GTF2H1: variants seen among roughly 807,000 people sequenced by gnomAD.
GTF2H1 encodes the protein BTF2 p62.
Under a neutral mutation model 71.2 loss-of-function variants are expected in GTF2H1, and 16 were observed. The observed-to-expected ratio is 0.22, with a 90% CI of 0.15 to 0.34. The LOEUF (loss-of-function observed/expected upper bound fraction) is 0.34. Ranked by LOEUF, GTF2H1 falls within the 10% of genes least tolerant of loss-of-function variation. The pLI is 1.00. For missense variants in GTF2H1, 498 were observed against 648.2 expected (o/e 0.77, Z 2.52); for synonymous variants, 215 against 219.0 (o/e 0.98, Z 0.16).
At chr11:18,335,169 G>A (rs569871643) in intron 2 of GTF2H1, among the ~76,000 whole-genome samples, 1 of 152,136 alleles carries the variant, frequency 6.6e-6, no homozygotes, top group South Asian at 2.1e-4. Context: ...TAAACATTTT[G>A]TGCAAGAGTA....
intron 9 of GTF2H1, among the ~76,000 whole-genome samples, chr11:18,351,108 T>A (rs576406430): frequency 6.6e-6 from 1 of 152,236 alleles, no homozygotes; most frequent in East Asian, 1.9e-4. Context: ...CAAAATAAAT[T>A]CTGAGTGGAT....
At chr11:18,341,103 CAA>C (rs1241917239) in intron 5 of GTF2H1, among the ~76,000 whole-genome samples, 156 bp from the exon 6 acceptor site, 1 of 152,186 alleles carries the variant, frequency 6.6e-6, no homozygotes, top group Non-Finnish European at 1.5e-5. Context: ...CCTAATCTCT[CAA>C]GTTACCCTTC....
chr11:18,338,073 G>A, intron 3 of GTF2H1, 36 bp from the exon 4 acceptor site: 3 of 1,449,550 alleles, frequency 2.1e-6, no homozygotes, highest in Non-Finnish European at 2.9e-6. Flanking sequence ...TTTTATTCTA[G>A]AAGTTCAGTT....
chr11:18,326,015 G>C (rs1445059269), intron 1 of GTF2H1: 1 of 152,154 alleles, frequency 6.6e-6, no homozygotes, highest in Non-Finnish European at 1.5e-5. Context: ...ATCACAGAAG[G>C]CATTGTAAGA....
chr11:18,340,914 C>A (rs1288661958), intron 5 of GTF2H1, among the ~76,000 whole-genome samples: 3 of 152,262 alleles, frequency 2.0e-5, no homozygotes, highest in South Asian at 2.1e-4. Context: ...ATCATTATTA[C>A]CCCACAAGCT....
At chr11:18,340,374 G>A (rs778196585) in intron 5 of GTF2H1, among the ~76,000 whole-genome samples, 15 of 151,718 alleles carry the variant, frequency 9.9e-5, no homozygotes, top group South Asian at 2.1e-4. Context: ...TGCAACCTCC[G>A]CCTCCCAGGC....
intron 7 of GTF2H1, 152 bp downstream of exon 7, chr11:18,341,759 G>A: frequency 1.9e-6 from 1 of 532,326 alleles, no homozygotes; most frequent in Non-Finnish European, 3.3e-6. Flanking sequence ...CTTTGAAATA[G>A]CGTTGTTTGC....
At position 18,351,934 on chromosome 11, in the gene GTF2H1, A is replaced by G. The variant is rs980596472; in HGVS notation, c.1107A>G (p.Val369=). ...EYEDLGKNNS[V]KTIALNLKKS... ...AAGACTTGGGGAAAAATAATTCTGTAAAAACGATTGCACTAAACCTCAAGA... is the reference window on the plus strand; with the variant it reads ...AAGACTTGGGGAAAAATAATTCTGTGAAAACGATTGCACTAAACCTCAAGA... Residue 369 remains valine (V), a synonymous_variant, in exon 10 of 15, where the codon GTA becomes GTG. Transcript: ENST00000265963. 1.9e-5 allele frequency: 31 copies of G among 1,600,312 alleles called. No homozygotes were observed. The highest frequency in any genetic ancestry group is 2.7e-5 in the Non-Finnish European group (31 of 1,167,684).
rs1267475287 is a variant in GTF2H1, at chr11:18,333,041, T to C, written c.-15-19T>C. 1 of 1,555,536 alleles carries C rather than the reference T, an allele frequency of 6.4e-7. No individual in the cohort carries two copies. The stretch of plus-strand genomic sequence containing the variant: ...ATGTGTGGAATAGTTTTTTTCTTCA[T>C]CTTTTTTTTCTCTCTTAGCACCTTC... On this transcript the variant is annotated intron_variant, in intron 1 of 14. Coordinates refer to ENST00000265963, the MANE Select transcript of GTF2H1 (RefSeq NM_005316.4).
At chr11:18,361,731 A>G (rs543559212) in intron 14 of GTF2H1, among the ~76,000 whole-genome samples, 13 of 152,314 alleles carry the variant, frequency 8.5e-5, no homozygotes, top group African/African-American at 3.1e-4. Context: ...ATTAATTTGG[A>G]AAAACTGAGT....
intron 14 of GTF2H1, among the ~76,000 whole-genome samples, chr11:18,364,290 C>T (rs1019584221): frequency 6.6e-6 from 1 of 152,148 alleles, no homozygotes; most frequent in Non-Finnish European, 1.5e-5. Context: ...CAGACCTAAA[C>T]ATTGACATGC....
At chr11:18,325,213 G>T (rs1272627147) in intron 1 of GTF2H1, among the ~76,000 whole-genome samples, 2 of 152,202 alleles carry the variant, frequency 1.3e-5, no homozygotes, top group East Asian at 3.8e-4. Flanking sequence ...TGTAGGTAAT[G>T]GAAATGCAGA....
At chr11:18,324,386 A>C (rs544442189) in intron 1 of GTF2H1, 1 of 152,406 alleles carries the variant, frequency 6.6e-6, no homozygotes, top group Non-Finnish European at 1.5e-5. Flanking sequence ...AGGGCTTTTG[A>C]AAAATACTAG....
intron 2 of GTF2H1, among the ~76,000 whole-genome samples, chr11:18,335,135 C>T (rs913385826): frequency 6.6e-6 from 1 of 152,068 alleles, no homozygotes; most frequent in South Asian, 2.1e-4. Context: ...AAAGTCAGAT[C>T]TAAAGGCTTG....
chr11:18,325,491 A>G (rs1228077367), intron 1 of GTF2H1, among the ~76,000 whole-genome samples: 2 of 152,240 alleles, frequency 1.3e-5, no homozygotes, highest in African/African-American at 4.8e-5. Context: ...TAGGCCAAAC[A>G]CTATATTACT....
At chr11:18,365,713 A>G (rs1865808055) in intron 14 of GTF2H1, 70 bp from the exon 15 acceptor site, 1 of 980,682 alleles carries the variant, frequency 1.0e-6, no homozygotes, top group South Asian at 1.3e-5. Flanking sequence ...AGTGTGTGCC[A>G]GATTTGGGTT....
chr11:18,339,875 A>G (rs1274159265), intron 5 of GTF2H1, among the ~76,000 whole-genome samples: 30 of 152,184 alleles, frequency 2.0e-4, no homozygotes, highest in South Asian at 4.1e-4. Flanking sequence ...TGTCTGTACT[A>G]CTAACTCAGA....
chr11:18,345,019 T>A (rs1323399094), intron 7 of GTF2H1, among the ~76,000 whole-genome samples: 1 of 11,552 alleles, frequency 8.7e-5, no homozygotes, highest in Non-Finnish European at 1.6e-4. Context: ...ATCTCTAAAC[T>A]TTTTTTTTTT....
Position 18,360,704 on chromosome 11 carries a change from A to C in GTF2H1, c.1557A>C (p.Thr519=). Reference sequence around the variant, plus strand: ...AGATTCGGAGACAGTATTTAAGCACAAATGTAAGGCAGCAATCTGATTTTT... The same window carrying C: ...AGATTCGGAGACAGTATTTAAGCACCAATGTAAGGCAGCAATCTGATTTTT... ...QEKIRRQYLS[T]NLVSHIEEML... is the part of the protein sequence containing the mutation. Residue 519 remains threonine (T), a synonymous_variant, in exon 14 of 15, where the codon ACA becomes ACC. Coordinates refer to ENST00000265963, the MANE Select transcript of GTF2H1 (RefSeq NM_005316.4). The C allele has an allele frequency of 6.6e-7, 1 of 1,510,668 alleles. No individual in the cohort carries two copies. The highest frequency in any genetic ancestry group is 9.0e-7 in the Non-Finnish European group (1 of 1,110,358). 93.6% of individuals were successfully genotyped at this position (1,510,668 alleles called of 1,614,324 possible).
Sources: allele counts gnomAD v4.1 joint callset (sites outside exome capture counted in the v4.1 genomes callset), GRCh38; gene constraint gnomAD v4.1.1; transcripts MANE v1.5; gene names NCBI Gene and HGNC (gene_info 2026-07-23, HGNC 2026-07-21).